OTULINL: variants seen among roughly 807,000 people sequenced by gnomAD.
OTULINL encodes the protein inactive ubiquitin thioesterase OTULINL.
A neutral mutation model predicts 43.9 loss-of-function variants in OTULINL; 42 were observed. The observed-to-expected ratio is 0.96, with a 90% CI of 0.75 to 1.24. OTULINL has a LOEUF of 1.24. Among genes scored for constraint, OTULINL ranks in the 50% most tolerant of loss-of-function variants. OTULINL has a pLI of 0.00. For missense variants in OTULINL, 411 were observed against 426.4 expected, an observed-to-expected ratio of 0.96 and a Z score of 0.32; for synonymous variants, 172 against 153.6, an observed-to-expected ratio of 1.12 and a Z score of -0.88.
At chr5:14,585,905 A>G (rs1759095025) in intron 1 of OTULINL, among the ~76,000 whole-genome samples, 1 of 152,202 alleles carries the variant, frequency 6.6e-6, no homozygotes, top group South Asian at 2.1e-4. Flanking sequence ...TATTACATTT[A>G]AGCTGTTCTG....
chr5:14,614,503 C>T lies in OTULINL; in HGVS notation c.*4189C>T, dbSNP rs986804322. ...TAGTGGATCTTTGCTTAATTCACTT[C>T]TGTTTTAATCCCATCATATTCCTTT... is the stretch of plus-strand genomic sequence containing the variant. On this transcript the variant is annotated 3_prime_UTR_variant, in exon 8 of 8. Coordinates refer to ENST00000274217, the MANE Select transcript of OTULINL (RefSeq NM_019018.3). 2.3e-5 allele frequency: 9 copies of T among 397,830 alleles called. No individual in the cohort carries two copies. Among genetic ancestry groups the T allele is most frequent in the Non-Finnish European group, 4.0e-5 (9 of 226,010 alleles). The allele number at this position is 397,830 out of a possible 1,614,324, so 24.6% of individuals were successfully genotyped here.
At chr5:14,596,445 C>G (rs1478543560) in intron 1 of OTULINL, among the ~76,000 whole-genome samples, 1 of 152,206 alleles carries the variant, frequency 6.6e-6, no homozygotes, top group Non-Finnish European at 1.5e-5. Flanking sequence ...GTCATCAGAA[C>G]TGTCATTATG....
chr5:14,609,639 T>C (rs1272283105), intron 7 of OTULINL, among the ~76,000 whole-genome samples: 10 of 61,362 alleles, frequency 1.6e-4, no homozygotes, highest in Admixed American at 4.5e-4. Flanking sequence ...TTTTTTTTTT[T>C]TTTTTTTTTG....
chr5:14,607,560 A>G, intron 6 of OTULINL, 102 bp downstream of exon 6: 1 of 1,422,596 alleles, frequency 7.0e-7, no homozygotes, highest in South Asian at 1.3e-5. Context: ...ATGTTAGGAA[A>G]GTAAGAAGTG....
At chr5:14,594,560 C>T (rs535876125) in intron 1 of OTULINL, among the ~76,000 whole-genome samples, 5 of 152,198 alleles carry the variant, frequency 3.3e-5, no homozygotes, top group East Asian at 1.9e-4. Context: ...GGGCAGGGAC[C>T]GTGTCTTGCA....
chr5:14,584,055 G>A (rs1759064273), intron 1 of OTULINL, among the ~76,000 whole-genome samples: 1 of 152,236 alleles, frequency 6.6e-6, no homozygotes, highest in South Asian at 2.1e-4. Flanking sequence ...ACTTAGTGGA[G>A]TGCCCAGAGA....
chr5:14,588,130 T>C (rs1759139883), intron 1 of OTULINL, among the ~76,000 whole-genome samples: 1 of 152,244 alleles, frequency 6.6e-6, no homozygotes, highest in Non-Finnish European at 1.5e-5. Flanking sequence ...GGGCATCTTT[T>C]CTGTGGTGCA....
chr5:14,607,586 C>T (rs1410040869), intron 6 of OTULINL, 128 bp downstream of exon 6: 1 of 1,118,280 alleles, frequency 8.9e-7, no homozygotes, highest in Non-Finnish European at 1.3e-6. Context: ...AGAAATGCTT[C>T]TAGTAACTGA....
Position 14,610,432 on chromosome 5 carries a change from A to G in OTULINL, c.*118A>G. The stretch of plus-strand genomic sequence containing the variant: ...TGGAAGGAATTAGGACCTTTTCTTC[A>G]GGATTACAGGTACACTGGATGCAGC... On this transcript the variant is annotated 3_prime_UTR_variant, in exon 8 of 8. Transcript: ENST00000274217. 1 of 1,015,022 alleles carries G rather than the reference A, an allele frequency of 9.9e-7. No homozygotes were observed. Among genetic ancestry groups the G allele is most frequent in the Non-Finnish European group, 1.4e-6 (1 of 697,516 alleles). The allele number at this position is 1,015,022 out of a possible 1,614,324, so 62.9% of individuals were successfully genotyped here. A position where few individuals can be genotyped will look rare whatever the true frequency, so the allele number is the denominator to read the frequency against.
At chr5:14,587,150 G>A (rs1346908878) in intron 1 of OTULINL, among the ~76,000 whole-genome samples, 1 of 152,190 alleles carries the variant, frequency 6.6e-6, no homozygotes, top group African/African-American at 2.4e-5. Flanking sequence ...CTTCTTGCCT[G>A]GTAATGAGAG....
chr5:14,582,482 T>G (rs2126766092), intron 1 of OTULINL, among the ~76,000 whole-genome samples: 1 of 151,716 alleles, frequency 6.6e-6, no homozygotes, highest in Non-Finnish European at 1.5e-5. Context: ...CAACACAGAA[T>G]ACTCTGGCTG....
Position 14,600,637 on chromosome 5 carries a change from G to A in OTULINL, c.65-328G>A, listed in dbSNP as rs73046728. Among the ~76,000 whole-genome samples the A allele has an allele frequency of 7.5e-3, 1,136 of 152,282 alleles. 16 individuals carry two copies. Among genetic ancestry groups the A allele is most frequent in the African/African-American group, 0.026 (1,087 of 41,558 alleles). The stretch of plus-strand genomic sequence containing the variant: ...TCAAGAAAATTCAGAAGAGGAGTTA[G>A]GTTGCCATAGTCACACATCAAATAG... On this transcript the variant is annotated intron_variant, in intron 1 of 7. Transcript: ENST00000274217.
chr5:14,604,588 G>T (rs1192817159), intron 5 of OTULINL, among the ~76,000 whole-genome samples: 1 of 152,198 alleles, frequency 6.6e-6, no homozygotes, highest in Non-Finnish European at 1.5e-5. Flanking sequence ...GAAATGTCAT[G>T]TTGACAATAA....
At chr5:14,607,985 T>TCAG (rs1012126453) in intron 6 of OTULINL, among the ~76,000 whole-genome samples, 6 of 152,202 alleles carry the variant, frequency 3.9e-5, no homozygotes, top group African/African-American at 1.4e-4. Context: ...ATAGTGTATA[T>TCAG]CCTGTACCAT....
chr5:14,602,094 G>A lies in OTULINL; in HGVS notation c.349-89G>A, dbSNP rs566276614. On this transcript the variant is annotated intron_variant, in intron 4 of 7. Transcript: ENST00000274217. ...TGTTTCTGTTGTCCACTTTAGTTGG[G>A]AGGAACACCTCACTGAAAATACAGT... 4.2e-5 allele frequency: 43 copies of A among 1,027,930 alleles called. No homozygotes were observed. The South Asian group carries it at 8.4e-4, about 20-fold the overall frequency. The allele number at this position is 1,027,930 out of a possible 1,614,324, so 63.7% of individuals were successfully genotyped here. A position where few individuals can be genotyped will look rare whatever the true frequency, so the allele number is the denominator to read the frequency against.
intron 7 of OTULINL, among the ~76,000 whole-genome samples, chr5:14,609,283 A>G (rs1759533676): frequency 6.6e-6 from 1 of 152,216 alleles, no homozygotes. Flanking sequence ...CCAGATGCCA[A>G]CAGGTTCTCT....
At position 14,608,772 on chromosome 5, in the gene OTULINL, GAT is replaced by G; in HGVS notation, c.653_654del (p.Asp218ValfsTer20). On this transcript the variant is annotated frameshift_variant, in exon 7 of 8. Transcript: ENST00000274217. LOFTEE classifies it high-confidence loss of function. ...GTGGACTGAATTTAATGGCATTAGA[GAT>G]TATCACAAGAGAGGAAGTATGTGCA... ...TQWTEFNGIR[D>X]YHKRGSMCNT... 6.2e-7 allele frequency: 1 copy of G among 1,609,950 alleles called. No individual in the cohort carries two copies. Among genetic ancestry groups the G allele is most frequent in the Non-Finnish European group, 8.5e-7 (1 of 1,176,758 alleles).
chr5:14,586,977 C>T (rs1759110966), intron 1 of OTULINL, among the ~76,000 whole-genome samples: 1 of 151,982 alleles, frequency 6.6e-6, no homozygotes, highest in South Asian at 2.1e-4. Flanking sequence ...GGGTACAAAC[C>T]AGTTCCAAAT....
chr5:14,582,064 C>T (rs1257997579), intron 1 of OTULINL, 106 bp downstream of exon 1: 14 of 821,652 alleles, frequency 1.7e-5, no homozygotes, highest in Non-Finnish European at 2.1e-5. Context: ...CGGCCACCTT[C>T]GCTGCCTGTT....
Sources: gnomAD v4.1 joint callset for allele counts (sites outside exome capture counted in the v4.1 genomes callset) on GRCh38, gnomAD v4.1.1 for gene constraint, MANE v1.5 for transcripts, NCBI Gene and HGNC (gene_info 2026-07-23, HGNC 2026-07-21) for gene names.